SMG6: variants seen among roughly 807,000 people sequenced by gnomAD.
SMG6 encodes SMG6 nonsense mediated mRNA decay factor, also known as telomerase-binding protein EST1A.
In SMG6, 66 loss-of-function variants were observed where a neutral mutation model predicts 142.2. That is an observed-to-expected ratio of 0.46 (90% CI 0.38 to 0.57). The LOEUF (loss-of-function observed/expected upper bound fraction) is 0.57. SMG6 is among the 20% of genes least tolerant of loss of function. SMG6 has a pLI of 0.00. For synonymous variants in SMG6, 779 were observed against 702.4 expected (o/e 1.11, Z -1.72); for missense variants, 1,793 against 1,832.0 (o/e 0.98, Z 0.39).
At chr17:2,260,761 G>A (rs1024121359) in intron 8 of SMG6, among the ~76,000 whole-genome samples, 7 of 149,892 alleles carry the variant, frequency 4.7e-5, no homozygotes, top group East Asian at 4.0e-4. Context: ...TTGGGAGGCC[G>A]AGGTGGGTGG....
chr17:2,303,288 C>T, intron 1 of SMG6: 1 of 1,091,222 alleles, frequency 9.2e-7, no homozygotes, highest in Non-Finnish European at 1.1e-6. Flanking sequence ...ACGCCCGGGG[C>T]CTCCACCAGA....
chr17:2,141,676 C>G lies in SMG6; in HGVS notation c.3357+30982G>C, dbSNP rs1373701259. Among the ~76,000 whole-genome samples the G allele has an allele frequency of 2.0e-5, 3 of 152,210 alleles. No homozygotes were observed. The East Asian group carries it at 5.8e-4, about 29-fold the overall frequency. ...ATGGCTGGTCTTGAACTCCTGGGCT[C>G]AAGTGCTCCTCCTACCTTGGCCTCC... On this transcript the variant is annotated intron_variant, in intron 13 of 18. Transcript: ENST00000263073.
chr17:2,143,515 A>C (rs1451249394), intron 13 of SMG6, among the ~76,000 whole-genome samples: 2 of 152,202 alleles, frequency 1.3e-5, no homozygotes, highest in Non-Finnish European at 2.9e-5. Context: ...CATATGAAAG[A>C]AGCAGAAGAG....
In SMG6 at chr17:2,256,008, C is replaced by T. The variant is rs186085445; in HGVS notation, c.2662-11289G>A. On this transcript the variant is annotated intron_variant, in intron 8 of 18. Transcript: ENST00000263073. ...CAGCATGCTCATTAAGAGTCATCAT[C>T]ACTCCCTAATCTCAAATACCCAGAG... The T allele has an allele frequency of 9.5e-5, 18 of 188,544 alleles. No individual in the cohort carries two copies. In the Admixed American group the frequency reaches 1.1e-3, roughly 12 times the overall value. The allele number at this position is 188,544 out of a possible 1,614,324, so 11.7% of individuals were successfully genotyped here. A position where few individuals can be genotyped will look rare whatever the true frequency, so the allele number is the denominator to read the frequency against.
intron 13 of SMG6, among the ~76,000 whole-genome samples, chr17:2,141,081 A>G (rs1418657581): frequency 2.0e-5 from 3 of 152,238 alleles, no homozygotes; most frequent in Non-Finnish European, 1.5e-5. Context: ...CCACATGTGG[A>G]TATTTCAATT....
At chr17:2,135,996 A>G (rs1049297008) in intron 13 of SMG6, among the ~76,000 whole-genome samples, 28 of 141,212 alleles carry the variant, frequency 2.0e-4, no homozygotes, top group East Asian at 1.9e-3. Flanking sequence ...ATATATATTT[A>G]TGTGTGTGTG....
chr17:2,300,707 T>C (rs2075262357), intron 1 of SMG6, 43 bp from the exon 2 acceptor site: 1 of 1,504,806 alleles, frequency 6.6e-7, no homozygotes, highest in Non-Finnish European at 8.9e-7. Context: ...AGGTAGAAGA[T>C]AAGAATAAAG....
rs1555535554 is a variant in SMG6 at position 2,102,554 on chromosome 17, T to TTA, written c.3358-16654_3358-16653insTA. Among the ~76,000 whole-genome samples the TTA allele has an allele frequency of 5.8e-4, 83 of 143,248 alleles. 1 individual carries two copies. The highest frequency in any genetic ancestry group is 1.2e-3 in the African/African-American group (45 of 37,894). The allele number at this position is 143,248 out of a possible 152,430, so 94.0% of individuals were successfully genotyped here. ...TTTTTTTTTTTTTTTTTTTTTTTTT[T>TTA]AGAGATGAGGTCTCACTATGTTGCC... is the stretch of plus-strand genomic sequence containing the variant. On this transcript the variant is annotated intron_variant, in intron 13 of 18. Transcript: ENST00000263073.
intron 13 of SMG6, among the ~76,000 whole-genome samples, chr17:2,106,825 ATT>A (rs71769762): frequency 3.5e-5 from 5 of 143,176 alleles, no homozygotes; most frequent in Admixed American, 7.0e-5. Flanking sequence ...CTAGGCAGGA[ATT>A]TTTTTTTTTT....
rs188822378 is a variant in SMG6, at chr17:2,274,309, C to T, written c.2661+8338G>A. Among the ~76,000 whole-genome samples, 76 of 152,290 alleles carry T rather than the reference C, an allele frequency of 5.0e-4. 1 individual carries two copies. The highest frequency in any genetic ancestry group is 1.5e-5 in the Non-Finnish European group (1 of 68,024). Reference sequence around the variant, plus strand: ...TCATCTTTACAATCCTAGCACAAAACTGGCACAACAGAACAGGTAAACTTT... The same window carrying T: ...TCATCTTTACAATCCTAGCACAAAATTGGCACAACAGAACAGGTAAACTTT... On this transcript the variant is annotated intron_variant, in intron 8 of 18. Coordinates refer to ENST00000263073, the MANE Select transcript of SMG6 (RefSeq NM_017575.5).
intron 13 of SMG6, among the ~76,000 whole-genome samples, chr17:2,112,411 G>C (rs534072454): frequency 6.6e-6 from 1 of 151,574 alleles, no homozygotes; most frequent in Non-Finnish European, 1.5e-5. Flanking sequence ...GGGAGGCTGA[G>C]GCAGGAGAAT....
intron 13 of SMG6, among the ~76,000 whole-genome samples, chr17:2,162,706 G>C (rs890729697): frequency 6.6e-6 from 1 of 152,038 alleles, no homozygotes; most frequent in African/African-American, 2.4e-5. Flanking sequence ...CTTATATCCA[G>C]TCATCCATCT....
intron 8 of SMG6, among the ~76,000 whole-genome samples, chr17:2,253,238 T>C (rs567497658): frequency 5.3e-5 from 8 of 151,788 alleles, no homozygotes; most frequent in South Asian, 4.2e-4. Context: ...GCTTCCCGGG[T>C]TCACGCCATT....
chr17:2,152,526 C>A (rs1262929980), intron 13 of SMG6, among the ~76,000 whole-genome samples: 4 of 152,120 alleles, frequency 2.6e-5, no homozygotes, highest in Admixed American at 6.5e-5. Context: ...TCCGATTTAA[C>A]AATAGGCAAA....
chr17:2,258,464 A>T (rs1418893444), intron 8 of SMG6, among the ~76,000 whole-genome samples: 1 of 151,784 alleles, frequency 6.6e-6, no homozygotes, highest in Non-Finnish European at 1.5e-5. Context: ...AGACTGAGGC[A>T]GGAGAATCAT....
At chr17:2,188,282 A>G in intron 11 of SMG6, 117 bp downstream of exon 11, 2 of 790,600 alleles carry the variant, frequency 2.5e-6, no homozygotes, top group Non-Finnish European at 2.1e-6. Context: ...GCATGTAGGT[A>G]AGAGGAAGAA....
intron 6 of SMG6, among the ~76,000 whole-genome samples, chr17:2,288,013 C>T (rs914004166): frequency 2.6e-5 from 4 of 152,208 alleles, no homozygotes; most frequent in Non-Finnish European, 4.4e-5. Context: ...TGAAGCTACA[C>T]TTAAAAATGG....
chr17:2,116,613 G>A (rs913599870), intron 13 of SMG6, among the ~76,000 whole-genome samples: 12 of 151,996 alleles, frequency 7.9e-5, no homozygotes, highest in Non-Finnish European at 1.5e-5. Flanking sequence ...GGGTGTGGTG[G>A]CGGGTACATG....
intron 8 of SMG6, among the ~76,000 whole-genome samples, chr17:2,261,045 G>A (rs941703836): frequency 5.3e-5 from 8 of 151,622 alleles, no homozygotes; most frequent in Admixed American, 2.0e-4. Context: ...GGTGGCTCAC[G>A]CCTGTAATCC....
Sources: gnomAD v4.1 joint callset for allele counts (sites outside exome capture counted in the v4.1 genomes callset) on GRCh38, gnomAD v4.1.1 for gene constraint, MANE v1.5 for transcripts, NCBI Gene and HGNC (gene_info 2026-07-23, HGNC 2026-07-21) for gene names.